The following IL16 variants were observed in gnomAD, a reference collection of about 807,000 sequenced individuals.
IL16 encodes the protein interleukin 16, also known as pro-interleukin-16.
IL16 carries 67 observed loss-of-function variants against 110.1 expected under a neutral mutation model. The ratio of observed to expected loss-of-function variants is 0.61; its 90% CI spans 0.50 to 0.75. The LOEUF is 0.75. Among genes scored for constraint, IL16 ranks in the 30% least tolerant of loss-of-function variants. The pLI, the probability that IL16 is intolerant of heterozygous loss-of-function variation, is 0.00. For synonymous variants in IL16, 689 were observed against 662.9 expected (o/e 1.04, Z -0.61); for missense variants, 1,545 against 1,655.0 (o/e 0.93, Z 1.15).
At chr15:81,205,469 T>A (rs534342027) in intron 1 of IL16, among the ~76,000 whole-genome samples, 2 of 152,260 alleles carry the variant, frequency 1.3e-5, no homozygotes, top group African/African-American at 4.8e-5. Context: ...CAGGCTCAAA[T>A]ATTGCTTTGA....
rs761197620 is a variant in IL16 at position 81,301,495 on chromosome 15, G to C, written c.3301G>C (p.Asp1101His). The change falls in exon 15 of 19, where the codon GAT (aspartate) becomes CAT (histidine). Residue 1101 changes from aspartate (D) to histidine (H), a missense_variant. By Grantham distance (81) the Asp-to-His change is moderately conservative (BLOSUM62 -1). Around this residue, in one of 3 missense-constraint regions of IL16, gnomAD observed 356 missense variants for 399.3 expected, o/e 0.89. Coordinates refer to ENST00000683961, the MANE Select transcript of IL16 (RefSeq NM_172217.5). The part of the protein sequence containing the change: ...KKLIEEVKVL[D>H]EATLKQLDGI... ...ACTCATCGAGGAGGTGAAGGTTCTG[G>C]ATGAAGCAACATTAAAGGTAGGTTT... 1.9e-6 allele frequency: 3 copies of C among 1,612,826 alleles called. No homozygotes were observed. Among genetic ancestry groups the C allele is most frequent in the Non-Finnish European group, 2.5e-6 (3 of 1,179,686 alleles).
chr15:81,207,991 T>A (rs1896098655), intron 1 of IL16, among the ~76,000 whole-genome samples: 1 of 152,280 alleles, frequency 6.6e-6, no homozygotes, highest in Non-Finnish European at 1.5e-5. Flanking sequence ...TACATTCCCA[T>A]CAACAGTGTA....
At chr15:81,277,441 T>C (rs10451001) in intron 6 of IL16, among the ~76,000 whole-genome samples, 95 of 152,114 alleles carry the variant, frequency 6.2e-4, no homozygotes, top group African/African-American at 2.2e-3. Flanking sequence ...AAAGAAATCT[T>C]TTCTTTCCTT....
Position 81,308,751 on chromosome 15 carries a change from AG to A in IL16, c.3953del (p.Arg1318LysfsTer29). The A allele has an allele frequency of 6.2e-7, 1 of 1,614,122 alleles. No homozygotes were observed. The highest frequency in any genetic ancestry group is 8.5e-7 in the Non-Finnish European group (1 of 1,180,018). ...TGGACCTGTCACGATTGTCATCAGGAGAAAAAGCCTCCAGTCCAAGGAAACC... is the reference window on the plus strand; with the variant it reads ...TGGACCTGTCACGATTGTCATCAGGAAAAAAGCCTCCAGTCCAAGGAAACC... ...PDGPVTIVIR[R>X]KSLQSKETTA... On this transcript the variant is annotated frameshift_variant, in exon 19 of 19. Transcript: ENST00000683961. LOFTEE classifies it high-confidence loss of function.
intron 1 of IL16, among the ~76,000 whole-genome samples, chr15:81,220,730 G>A (rs753233540): frequency 6.0e-5 from 9 of 150,938 alleles, no homozygotes; most frequent in South Asian, 4.2e-4. Flanking sequence ...CCTTTCCTCC[G>A]GTAGGTTAGC....
At chr15:81,284,369 A>T (rs1899343851) in intron 9 of IL16, among the ~76,000 whole-genome samples, 1 of 152,222 alleles carries the variant, frequency 6.6e-6, no homozygotes. Context: ...CTTCTGAATT[A>T]GAAAGGGATT....
In IL16 at chr15:81,305,799, G is replaced by A. The variant is rs563319970; in HGVS notation, c.3421-109G>A. ...TAGGACACAATTATCTTTAATCTTT[G>A]TTGGCCTAAAAATCCTCTAGCATTG... is the stretch of plus-strand genomic sequence containing the variant. On this transcript the variant is annotated intron_variant, in intron 16 of 18. Transcript: ENST00000683961. The A allele has an allele frequency of 1.6e-5, 22 of 1,340,896 alleles. No individual in the cohort carries two copies. The East Asian group carries it at 3.7e-4, about 22-fold the overall frequency. 83.1% of individuals were successfully genotyped at this position (1,340,896 alleles called of 1,614,324 possible).
At position 81,275,254 on chromosome 15, in the gene IL16, A is replaced by T. The variant is rs1432725741; in HGVS notation, c.790+2050A>T. Among the ~76,000 whole-genome samples, 3 of 150,392 alleles carry T rather than the reference A, an allele frequency of 2.0e-5. No individual in the cohort carries two copies. The East Asian group carries it at 5.9e-4, about 29-fold the overall frequency. ...GATGGCGCTGTCCAGCAGGGAAATG[A>T]CATCCGTTCTCTCTCCGTTCAGGGA... On this transcript the variant is annotated intron_variant, in intron 6 of 18. Coordinates refer to ENST00000683961, the MANE Select transcript of IL16 (RefSeq NM_172217.5).
intron 13 of IL16, among the ~76,000 whole-genome samples, chr15:81,298,925 A>T (rs1315145497): frequency 6.6e-6 from 1 of 152,218 alleles, no homozygotes; most frequent in Non-Finnish European, 1.5e-5. Flanking sequence ...CTGCCAACTC[A>T]TGACCTTTGT....
rs748765394 is a variant in IL16, at chr15:81,221,697, CATA to C, written c.-101-3599_-101-3597del. On this transcript the variant is annotated intron_variant, in intron 1 of 18. Coordinates refer to ENST00000683961, the MANE Select transcript of IL16 (RefSeq NM_172217.5). ...TTCTCTTCCTTTAAAAAAAAAAATC[CATA>C]ATGACAAGGCTCATTTTGAAAACTG... Among the ~76,000 whole-genome samples the C allele has an allele frequency of 2.4e-4, 37 of 151,998 alleles. No individual in the cohort carries two copies. In the South Asian group the frequency reaches 7.5e-3, roughly 31 times the overall value.
At chr15:81,212,632 C>A (rs1896292055) in intron 1 of IL16, among the ~76,000 whole-genome samples, 1 of 151,962 alleles carries the variant, frequency 6.6e-6, no homozygotes, top group African/African-American at 2.4e-5. Context: ...CCACCGCACC[C>A]AGCTAAGTTT....
chr15:81,275,458 CAA>C (rs1301453009), intron 6 of IL16, among the ~76,000 whole-genome samples: 1 of 141,840 alleles, frequency 7.1e-6, no homozygotes, highest in East Asian at 2.1e-4. Context: ...GAGGAAATGT[CAA>C]AGAGAGGAAA....
rs1900780233 is a variant in IL16 at position 81,310,174 on chromosome 15, G to C, written c.*1376G>C. On this transcript the variant is annotated 3_prime_UTR_variant, in exon 19 of 19. Coordinates refer to ENST00000683961, the MANE Select transcript of IL16 (RefSeq NM_172217.5). Reference sequence around the variant, plus strand: ...CTGATCCTGTGAAGTAAGGATGTGGGGGAAGACCTGGCAAGGACACAGATG... The same window carrying C: ...CTGATCCTGTGAAGTAAGGATGTGGCGGAAGACCTGGCAAGGACACAGATG... 2 of 152,246 alleles carry C rather than the reference G, an allele frequency of 1.3e-5. No homozygotes were observed. The highest frequency in any genetic ancestry group is 6.5e-5 in the Admixed American group (1 of 15,280). The allele number at this position is 152,246 out of a possible 1,614,324, so 9.4% of individuals were successfully genotyped here. A position where few individuals can be genotyped will look rare whatever the true frequency, so the allele number is the denominator to read the frequency against.
At position 81,303,299 on chromosome 15, in the gene IL16, C is replaced by G; in HGVS notation, c.3319-250C>G. 1 of 435,524 alleles carries G rather than the reference C, an allele frequency of 2.3e-6. No homozygotes were observed. Among genetic ancestry groups the G allele is most frequent in the East Asian group, 4.2e-5 (1 of 23,664 alleles). The allele number at this position is 435,524 out of a possible 1,614,324, so 27.0% of individuals were successfully genotyped here. A position where few individuals can be genotyped will look rare whatever the true frequency, so the allele number is the denominator to read the frequency against. On this transcript the variant is annotated intron_variant, in intron 15 of 18. Transcript: ENST00000683961. The surrounding 1 kb of genome is among the most constrained non-coding windows in gnomAD (Gnocchi z 4.1). Reference sequence around the variant, plus strand: ...GGCACTCCCCCTGCCCGGCTGTGGACAGGGTGAATGAGAGAGGAAAATAAT... The same window carrying G: ...GGCACTCCCCCTGCCCGGCTGTGGAGAGGGTGAATGAGAGAGGAAAATAAT...
At chr15:81,297,134 G>A in intron 13 of IL16, 56 bp downstream of exon 13, 1 of 1,548,820 alleles carries the variant, frequency 6.5e-7, no homozygotes, top group Non-Finnish European at 8.8e-7. Context: ...AAGGTGCAGG[G>A]ATAAGATAAG....
intron 2 of IL16, among the ~76,000 whole-genome samples, chr15:81,247,225 G>A (rs996077994): frequency 1.5e-4 from 22 of 150,332 alleles, no homozygotes; most frequent in Admixed American, 7.9e-4. Flanking sequence ...TATCTTTATC[G>A]TTTTCTCTAC....
chr15:81,281,122 A>T (rs753710896), intron 8 of IL16, among the ~76,000 whole-genome samples: 6 of 152,198 alleles, frequency 3.9e-5, no homozygotes, highest in Non-Finnish European at 7.3e-5. Flanking sequence ...TCTAGTCAGG[A>T]CACCTGGGCT....
At chr15:81,289,887 T>C (rs1453967887) in intron 10 of IL16, 1 of 452,372 alleles carries the variant, frequency 2.2e-6, no homozygotes, top group South Asian at 1.6e-5. Flanking sequence ...GGTTTTATTA[T>C]TGTTATTATT....
chr15:81,202,824 T>C (rs1299013745), intron 1 of IL16, among the ~76,000 whole-genome samples: 4 of 152,082 alleles, frequency 2.6e-5, no homozygotes, highest in Admixed American at 6.6e-5. Context: ...ATTTATAATC[T>C]TTTGGGTATA....
Sources: allele counts gnomAD v4.1 joint callset (sites outside exome capture counted in the v4.1 genomes callset), GRCh38; gene constraint gnomAD v4.1.1; regional missense constraint gnomAD v4.1.1; non-coding constraint Gnocchi (gnomAD v3.1); transcripts MANE v1.5; gene names NCBI Gene and HGNC (gene_info 2026-07-23, HGNC 2026-07-21).